Variants in C1orf141 observed in about 807,000 individuals in gnomAD.
C1orf141 encodes the protein uncharacterized protein C1orf141.
Under a neutral mutation model 23.2 loss-of-function variants are expected in C1orf141, and 19 were observed. The observed-to-expected ratio is 0.82, with a 90% confidence interval of 0.57 to 1.20. The LOEUF is 1.20. Among genes scored for constraint, C1orf141 ranks in the 50% most tolerant of loss-of-function variants. The pLI, the probability that C1orf141 is intolerant of heterozygous loss-of-function variation, is 0.00. For synonymous variants in C1orf141, 153 were observed against 154.6 expected (o/e 0.99, Z 0.08); for missense variants, 469 against 455.1 (o/e 1.03, Z -0.28).
intron 5 of C1orf141, among the ~76,000 whole-genome samples, chr1:67,113,374 CT>C (rs933933961): frequency 1.3e-5 from 2 of 150,390 alleles, no homozygotes; most frequent in Admixed American, 1.3e-4. Context: ...TCTTTTCTTT[CT>C]TTTTTTTTAG....
intron 2 of C1orf141, among the ~76,000 whole-genome samples, chr1:67,129,153 GATAA>G (rs966286899): frequency 6.6e-6 from 1 of 152,168 alleles, no homozygotes; most frequent in Admixed American, 6.5e-5. Context: ...AGTCCAGTGT[GATAA>G]ATAAAGTATA....
At chr1:67,117,180 TGA>T (rs1338521000) in intron 4 of C1orf141, among the ~76,000 whole-genome samples, 14 of 152,220 alleles carry the variant, frequency 9.2e-5, no homozygotes, top group Non-Finnish European at 2.1e-4. Flanking sequence ...CCCAACACTT[TGA>T]GAGGCTGAGG....
upstream of C1orf141, among the ~76,000 whole-genome samples, chr1:67,136,705 C>T (rs923307724): frequency 7.2e-5 from 11 of 152,072 alleles, no homozygotes; most frequent in Non-Finnish European, 1.5e-4. Context: ...AACCTTAATT[C>T]GTATCTATGG....
intron 4 of C1orf141, chr1:67,122,870 G>A (rs893195332): frequency 2.6e-5 from 4 of 152,142 alleles, no homozygotes; most frequent in African/African-American, 9.6e-5. Context: ...ATTCTTTTGG[G>A]AGGTGTTAAA....
At chr1:67,122,701 TAC>T (rs1205201268) in intron 4 of C1orf141, 11 of 152,224 alleles carry the variant, frequency 7.2e-5, no homozygotes, top group Non-Finnish European at 1.3e-4. Flanking sequence ...CATCCATTAT[TAC>T]ACCCATGTGT....
At chr1:67,119,245 T>A (rs1445219971) in intron 4 of C1orf141, among the ~76,000 whole-genome samples, 2 of 152,194 alleles carry the variant, frequency 1.3e-5, no homozygotes, top group Admixed American at 6.5e-5. Flanking sequence ...TGATGAGATC[T>A]CAGATGGAAG....
At chr1:67,131,886 G>A (rs1646522563) in intron 1 of C1orf141, among the ~76,000 whole-genome samples, 1 of 148,744 alleles carries the variant, frequency 6.7e-6, no homozygotes, top group Admixed American at 6.8e-5. Flanking sequence ...CCGGGTTCAA[G>A]TGATTCTCCT....
In C1orf141 at chr1:67,127,080, A is replaced by G. The variant is rs1646429503; in HGVS notation, c.75+86T>C. 3.8e-5 allele frequency: 32 copies of G among 839,198 alleles called. No individual in the cohort carries two copies. In the South Asian group the frequency reaches 6.0e-4, roughly 16 times the overall value. 52.0% of individuals were successfully genotyped at this position (839,198 alleles called of 1,614,324 possible). ...AAATTAGTTTATATCATATTAATGT[A>G]TCATTAGCTAAAAAGTAAAATTATT... On this transcript the variant is annotated intron_variant, in intron 3 of 7. Coordinates refer to ENST00000684719, the MANE Select transcript of C1orf141 (RefSeq NM_001276351.2).
At chr1:67,114,740 G>C (rs996228817) in intron 5 of C1orf141, among the ~76,000 whole-genome samples, 5 of 152,142 alleles carry the variant, frequency 3.3e-5, no homozygotes, top group Admixed American at 3.3e-4. Context: ...GCAGTGGCAC[G>C]ATCTCAGCTC....
chr1:67,118,918 T>G (rs145633932), intron 4 of C1orf141, among the ~76,000 whole-genome samples: 2 of 152,312 alleles, frequency 1.3e-5, no homozygotes, highest in East Asian at 3.9e-4. Flanking sequence ...GAAACAAATT[T>G]CTGTTGTTTA....
chr1:67,094,369 A>G (rs1279655222), intron 7 of C1orf141: 2 of 152,258 alleles, frequency 1.3e-5, no homozygotes, highest in Non-Finnish European at 2.9e-5. Context: ...TGACAAGTCT[A>G]TGTACCCTTA....
Position 67,095,430 on chromosome 1 carries a change from A to C in C1orf141, c.417-9T>G. The C allele has an allele frequency of 6.8e-7, 1 of 1,481,472 alleles. No individual in the cohort carries two copies. Among genetic ancestry groups the C allele is most frequent in the South Asian group, 1.3e-5 (1 of 76,816 alleles). The allele number at this position is 1,481,472 out of a possible 1,614,324, so 91.8% of individuals were successfully genotyped here. The stretch of plus-strand genomic sequence containing the variant: ...TCTGTGGAGATTTTTTTCTGAAAAT[A>C]AACACAGTTCAGGGTAGTGTTCATG... On this transcript the variant is annotated splice_polypyrimidine_tract_variant and intron_variant, in intron 6 of 7. Coordinates refer to ENST00000684719, the MANE Select transcript of C1orf141 (RefSeq NM_001276351.2).
intron 2 of C1orf141, among the ~76,000 whole-genome samples, chr1:67,128,928 T>G (rs1173230994): frequency 2.0e-5 from 3 of 152,198 alleles, no homozygotes; most frequent in African/African-American, 7.2e-5. Flanking sequence ...CAATGCCACA[T>G]GGAGACAACA....
At chr1:67,133,804 C>T (rs1168482768) in intron 1 of C1orf141, among the ~76,000 whole-genome samples, 1 of 151,926 alleles carries the variant, frequency 6.6e-6, no homozygotes, top group Non-Finnish European at 1.5e-5. Context: ...CTGAAGAAAA[C>T]AACCCTGCCC....
At chr1:67,099,939 C>G (rs1470305100) in intron 5 of C1orf141, among the ~76,000 whole-genome samples, 1 of 152,106 alleles carries the variant, frequency 6.6e-6, no homozygotes, top group African/African-American at 2.4e-5. Flanking sequence ...CTTGTATAAG[C>G]TTTTTGCAGT....
At chr1:67,140,928 A>G (rs1646631515) in intron 1 of C1orf141, among the ~76,000 whole-genome samples, 1 of 152,202 alleles carries the variant, frequency 6.6e-6, no homozygotes, top group Non-Finnish European at 1.5e-5. Flanking sequence ...CAAATCTAGT[A>G]AATGGCAGAT....
chr1:67,095,478 T>C (rs1179781859), intron 6 of C1orf141, 57 bp from the exon 7 acceptor site: 15 of 989,794 alleles, frequency 1.5e-5, no homozygotes, highest in Non-Finnish European at 2.2e-5. Context: ...GCTTGTCAGT[T>C]CTTGTCTGCC....
chr1:67,098,431 A>G (rs1318340584), intron 5 of C1orf141, among the ~76,000 whole-genome samples: 1 of 152,200 alleles, frequency 6.6e-6, no homozygotes, highest in Non-Finnish European at 1.5e-5. Flanking sequence ...CTAAGGCAGG[A>G]GAATCGCTTG....
At chr1:67,107,453 T>C (rs973825090) in intron 5 of C1orf141, among the ~76,000 whole-genome samples, 3 of 152,062 alleles carry the variant, frequency 2.0e-5, no homozygotes, top group Non-Finnish European at 4.4e-5. Context: ...TCAGAATAGA[T>C]TTTTTAAAAA....
Sources: gnomAD v4.1 joint callset for allele counts (sites outside exome capture counted in the v4.1 genomes callset) on GRCh38, gnomAD v4.1.1 for gene constraint, MANE v1.5 for transcripts, NCBI Gene and HGNC (gene_info 2026-07-23, HGNC 2026-07-21) for gene names.